The following CDKAL1 variants were observed in gnomAD, a reference collection of about 807,000 sequenced individuals.
CDKAL1 encodes the protein threonylcarbamoyladenosine tRNA methylthiotransferase.
Under a neutral mutation model 68.2 loss-of-function variants are expected in CDKAL1, and 32 were observed. The observed-to-expected ratio is 0.47, with a 90% CI of 0.35 to 0.63. The LOEUF (loss-of-function observed/expected upper bound fraction) is 0.63, where lower values mean the gene tolerates loss of function less well. Among genes scored for constraint, CDKAL1 ranks in the 30% least tolerant of loss-of-function variants. The pLI is 0.00. For missense variants in CDKAL1, 606 were observed against 696.7 expected (o/e 0.87, Z 1.47); for synonymous variants, 234 against 244.3 (o/e 0.96, Z 0.39).
At chr6:20,916,232 A>G (rs1762717240) in intron 9 of CDKAL1, among the ~76,000 whole-genome samples, 1 of 152,200 alleles carries the variant, frequency 6.6e-6, no homozygotes, top group Non-Finnish European at 1.5e-5. Flanking sequence ...TAGTTAACAG[A>G]ATTGTAACAA....
chr6:20,888,527 C>A (rs1380481274), intron 9 of CDKAL1, among the ~76,000 whole-genome samples: 2 of 115,140 alleles, frequency 1.7e-5, no homozygotes, highest in Non-Finnish European at 1.8e-5. Context: ...CCCCTCCCCC[C>A]ACCCCACAAC....
intron 11 of CDKAL1, among the ~76,000 whole-genome samples, chr6:21,047,341 T>C (rs1770295864): frequency 6.6e-6 from 1 of 152,174 alleles, no homozygotes; most frequent in Non-Finnish European, 1.5e-5. Context: ...TAGTATCCCC[T>C]TTTCCTAAAG....
chr6:20,848,985 G>A (rs1758851265), intron 9 of CDKAL1, among the ~76,000 whole-genome samples: 1 of 151,874 alleles, frequency 6.6e-6, no homozygotes, highest in African/African-American at 2.4e-5. Flanking sequence ...GAGAGAAAGA[G>A]TCTCCCTGTG....
chr6:21,114,646 A>C lies in CDKAL1; in HGVS notation c.1299+6183A>C, dbSNP rs569440611. Among the ~76,000 whole-genome samples, 12 of 152,186 alleles carry C rather than the reference A, an allele frequency of 7.9e-5. No individual in the cohort carries two copies. In the South Asian group the frequency reaches 2.1e-3, roughly 26 times the overall value. On this transcript the variant is annotated intron_variant, in intron 13 of 15. Coordinates refer to ENST00000274695, the MANE Select transcript of CDKAL1 (RefSeq NM_017774.3). Reference sequence around the variant, plus strand: ...CTACTCGGGAGGCTGAAACAAGAGGATCAGATGGCTTAAGTCCAGGAGTTC... The same window carrying C: ...CTACTCGGGAGGCTGAAACAAGAGGCTCAGATGGCTTAAGTCCAGGAGTTC...
intron 4 of CDKAL1, among the ~76,000 whole-genome samples, chr6:20,631,773 C>A (rs1304142923): frequency 1.3e-5 from 2 of 152,080 alleles, no homozygotes; most frequent in East Asian, 3.9e-4. Flanking sequence ...GGACATGTCT[C>A]CAGAGACCTG....
At chr6:20,718,256 C>T (rs1772186413) in intron 5 of CDKAL1, among the ~76,000 whole-genome samples, 2 of 152,208 alleles carry the variant, frequency 1.3e-5, no homozygotes, top group South Asian at 4.2e-4. Flanking sequence ...TAATACTTCC[C>T]ACTCATGGGT....
chr6:21,173,165 A>G (rs1213695747), intron 13 of CDKAL1, among the ~76,000 whole-genome samples: 1 of 151,644 alleles, frequency 6.6e-6, no homozygotes, highest in Admixed American at 6.6e-5. Context: ...ACACCCAAAA[A>G]TACTCTTGGA....
At position 21,016,960 on chromosome 6, in the gene CDKAL1, TA is replaced by T. The variant is rs1279002888; in HGVS notation, c.1055+16593del. 3.3e-5 allele frequency among the ~76,000 whole-genome samples: 5 copies of T among 152,320 alleles called. No individual in the cohort carries two copies. The East Asian group carries it at 9.6e-4, about 29-fold the overall frequency. ...ATTGCCAGAAATTTTCTTTCTAAAA[TA>T]AAAACGTTGTATTTCTTTGATCAAA... On this transcript the variant is annotated intron_variant, in intron 11 of 15. Coordinates refer to ENST00000274695, the MANE Select transcript of CDKAL1 (RefSeq NM_017774.3).
chr6:21,025,767 C>G (rs1433591146), intron 11 of CDKAL1, among the ~76,000 whole-genome samples: 1 of 152,090 alleles, frequency 6.6e-6, no homozygotes, highest in Admixed American at 6.6e-5. Flanking sequence ...AGAAAGAAAG[C>G]TTCATTCCAA....
chr6:20,733,906 T>G (rs2150316792), intron 5 of CDKAL1, among the ~76,000 whole-genome samples: 1 of 152,228 alleles, frequency 6.6e-6, no homozygotes, highest in South Asian at 2.1e-4. Context: ...CCCAGCACTT[T>G]GGGAGGCTGA....
intron 9 of CDKAL1, among the ~76,000 whole-genome samples, chr6:20,886,066 A>G (rs1468874263): frequency 6.6e-6 from 1 of 152,192 alleles, no homozygotes; most frequent in Non-Finnish European, 1.5e-5. Context: ...CTACGACTCA[A>G]CAAGCAGACA....
At chr6:20,973,773 T>C (rs1388698839) in intron 10 of CDKAL1, among the ~76,000 whole-genome samples, 1 of 151,834 alleles carries the variant, frequency 6.6e-6, no homozygotes, top group Non-Finnish European at 1.5e-5. Flanking sequence ...CCCAGCTAAT[T>C]TTTGTATTTT....
chr6:20,904,591 A>G (rs1314637045), intron 9 of CDKAL1, among the ~76,000 whole-genome samples: 3 of 152,114 alleles, frequency 2.0e-5, no homozygotes, highest in Non-Finnish European at 4.4e-5. Context: ...GGAGTTTGAG[A>G]CCAGCCTGAC....
chr6:20,729,303 T>G (rs1345878540), intron 5 of CDKAL1, among the ~76,000 whole-genome samples: 1 of 152,228 alleles, frequency 6.6e-6, no homozygotes, highest in Non-Finnish European at 1.5e-5. Flanking sequence ...TTCCCACAGC[T>G]GCTGGGGAAC....
Position 21,062,166 on chromosome 6 carries a change from T to C in CDKAL1, c.1056-2882T>C, listed in dbSNP as rs7744921. ...GGTACTTTCCTGTGGGAATACCCCATAATCTAGTGCCAAATTTATTCTAAT... is the reference window on the plus strand; with the variant it reads ...GGTACTTTCCTGTGGGAATACCCCACAATCTAGTGCCAAATTTATTCTAAT... On this transcript the variant is annotated intron_variant, in intron 11 of 15. Coordinates refer to ENST00000274695, the MANE Select transcript of CDKAL1 (RefSeq NM_017774.3). 9.6e-3 allele frequency among the ~76,000 whole-genome samples: 1,459 copies of C among 152,320 alleles called. 26 individuals carry two copies. Among genetic ancestry groups the C allele is most frequent in the African/African-American group, 0.033 (1,386 of 41,568 alleles).
intron 3 of CDKAL1, among the ~76,000 whole-genome samples, chr6:20,547,507 C>T (rs1050925062): frequency 3.9e-4 from 59 of 152,022 alleles, no homozygotes; most frequent in African/African-American, 1.3e-3. Flanking sequence ...ATCTCTAGTC[C>T]GTGAAATTTT....
At chr6:20,752,877 A>G (rs759471406) in intron 6 of CDKAL1, among the ~76,000 whole-genome samples, 1 of 152,202 alleles carries the variant, frequency 6.6e-6, no homozygotes, top group Non-Finnish European at 1.5e-5. Flanking sequence ...GATTCATAGT[A>G]GCATTCAGGT....
intron 15 of CDKAL1, among the ~76,000 whole-genome samples, chr6:21,228,390 G>A (rs1461232052): frequency 6.6e-6 from 1 of 152,038 alleles, no homozygotes; most frequent in Non-Finnish European, 1.5e-5. Context: ...GACTTACAAA[G>A]GTTAAAGAAC....
At chr6:20,873,120 A>G (rs528534013) in intron 9 of CDKAL1, among the ~76,000 whole-genome samples, 6 of 152,304 alleles carry the variant, frequency 3.9e-5, no homozygotes, top group African/African-American at 1.2e-4. Context: ...TGAAATTTTG[A>G]GAGTCAAAAA....
Sources: gnomAD v4.1 joint callset for allele counts (sites outside exome capture counted in the v4.1 genomes callset) on GRCh38, gnomAD v4.1.1 for gene constraint, MANE v1.5 for transcripts, NCBI Gene and HGNC (gene_info 2026-07-23, HGNC 2026-07-21) for gene names.